The following CDH12 variants were observed in gnomAD, a reference collection of about 807,000 sequenced individuals.
The protein encoded by CDH12 is cadherin 12.
Under a neutral mutation model 74.1 loss-of-function variants are expected in CDH12, and 41 were observed. The ratio of observed to expected loss-of-function variants is 0.55; its 90% CI spans 0.43 to 0.72. The LOEUF (loss-of-function observed/expected upper bound fraction) is 0.72. Ranked by LOEUF, CDH12 falls within the 30% of genes least tolerant of loss-of-function variation. CDH12 has a pLI of 0.00. For missense variants in CDH12, 945 were observed against 977.2 expected, an observed-to-expected ratio of 0.97 and a Z score of 0.44; for synonymous variants, 399 against 355.0, an observed-to-expected ratio of 1.12 and a Z score of -1.39.
chr5:22,796,514 CTTTTTTTTTTT>C (rs70959756), intron 1 of CDH12, among the ~76,000 whole-genome samples: 1 of 59,754 alleles, frequency 1.7e-5, no homozygotes, highest in Non-Finnish European at 2.7e-5. Context: ...GATTTTTTAT[CTTTTTTTTTTT>C]TTTTTTTTTT....
chr5:22,114,259 T>C (rs777585866), intron 4 of CDH12, among the ~76,000 whole-genome samples: 1 of 152,244 alleles, frequency 6.6e-6, no homozygotes, highest in Admixed American at 6.5e-5. Context: ...GGAGTGTGAT[T>C]GGTACTGTGT....
intron 3 of CDH12, among the ~76,000 whole-genome samples, chr5:22,253,364 T>C (rs1753198566): frequency 6.6e-6 from 1 of 151,898 alleles, no homozygotes; most frequent in South Asian, 2.1e-4. Flanking sequence ...GTAAAACTGG[T>C]GCATCATTTA....
chr5:21,892,294 G>C (rs1752933707), intron 6 of CDH12, among the ~76,000 whole-genome samples: 3 of 152,148 alleles, frequency 2.0e-5, no homozygotes, highest in African/African-American at 7.2e-5. Flanking sequence ...AAGGCTCAGA[G>C]TGATGTGGTT....
chr5:21,773,875 G>A (rs1202996115), intron 11 of CDH12, among the ~76,000 whole-genome samples: 1 of 151,990 alleles, frequency 6.6e-6, no homozygotes, highest in Non-Finnish European at 1.5e-5. Flanking sequence ...TTTAAATGTT[G>A]TTAACTTTAT....
chr5:22,120,366 A>ATATT, intron 4 of CDH12, among the ~76,000 whole-genome samples: 1 of 152,310 alleles, frequency 6.6e-6, no homozygotes, highest in East Asian at 1.9e-4. Flanking sequence ...CCCCAAGAAT[A>ATATT]AAGGACAAAC....
chr5:21,837,692 T>C (rs1749617098), intron 8 of CDH12, among the ~76,000 whole-genome samples: 1 of 152,198 alleles, frequency 6.6e-6, no homozygotes, highest in African/African-American at 2.4e-5. Flanking sequence ...GGCTTTTCTC[T>C]TTATAAATGT....
chr5:22,123,840 G>A (rs1478725736), intron 4 of CDH12, among the ~76,000 whole-genome samples: 1 of 152,146 alleles, frequency 6.6e-6, no homozygotes, highest in African/African-American at 2.4e-5. Flanking sequence ...GGAAATGGCA[G>A]CATTAGAATC....
At chr5:22,802,055 C>T (rs1455886083) in intron 1 of CDH12, among the ~76,000 whole-genome samples, 1 of 151,854 alleles carries the variant, frequency 6.6e-6, no homozygotes, top group East Asian at 1.9e-4. Flanking sequence ...TTGTTTCTCC[C>T]AATTTACTGA....
chr5:22,625,506 A>G (rs1273862051), intron 1 of CDH12, among the ~76,000 whole-genome samples: 2 of 152,150 alleles, frequency 1.3e-5, no homozygotes, highest in African/African-American at 4.8e-5. Context: ...TATGGAGCCC[A>G]AAGAATTTGG....
intron 10 of CDH12, among the ~76,000 whole-genome samples, chr5:21,790,342 GT>G (rs539929574): frequency 1.1e-4 from 17 of 151,942 alleles, no homozygotes; most frequent in Non-Finnish European, 2.5e-4. Flanking sequence ...TTAGTTATGT[GT>G]TTCTGTATAT....
chr5:22,788,180 G>A (rs1747734691), intron 1 of CDH12, among the ~76,000 whole-genome samples: 1 of 152,088 alleles, frequency 6.6e-6, no homozygotes, highest in Non-Finnish European at 1.5e-5. Flanking sequence ...TATTATTTGT[G>A]AGTCTCATCT....
rs566649430 is a variant in CDH12, at chr5:21,910,612, C to G, written c.527-55822G>C. Among the ~76,000 whole-genome samples, 7 of 152,052 alleles carry G rather than the reference C, an allele frequency of 4.6e-5. No homozygotes were observed. In the East Asian group the frequency reaches 1.4e-3, roughly 29 times the overall value. Reference sequence around the variant, plus strand: ...CCTGAGGAGCTGATGCTACTGTGACCTACAGCAAAAGAAGTGGGAACATGT... The same window carrying G: ...CCTGAGGAGCTGATGCTACTGTGACGTACAGCAAAAGAAGTGGGAACATGT... On this transcript the variant is annotated intron_variant, in intron 6 of 14. Transcript: ENST00000382254.
At chr5:21,928,094 G>A (rs896123720) in intron 6 of CDH12, among the ~76,000 whole-genome samples, 7 of 151,936 alleles carry the variant, frequency 4.6e-5, no homozygotes, top group African/African-American at 1.7e-4. Flanking sequence ...AAGAATGATG[G>A]TGAAAACATT....
intron 2 of CDH12, among the ~76,000 whole-genome samples, chr5:22,450,935 G>A (rs1286711822): frequency 7.0e-6 from 1 of 143,674 alleles, no homozygotes; most frequent in African/African-American, 2.6e-5. Flanking sequence ...ATCTTTCTCA[G>A]ACTGGAATGC....
At chr5:22,099,461 G>A (rs1038841393) in intron 4 of CDH12, among the ~76,000 whole-genome samples, 9 of 152,146 alleles carry the variant, frequency 5.9e-5, no homozygotes, top group African/African-American at 1.7e-4. Context: ...GCCTGTCCTT[G>A]GAATGCTACA....
At chr5:22,664,435 A>G (rs368602459) in intron 1 of CDH12, among the ~76,000 whole-genome samples, 1 of 152,104 alleles carries the variant, frequency 6.6e-6, no homozygotes, top group Non-Finnish European at 1.5e-5. Flanking sequence ...CTTTTAAACT[A>G]TCAGATCTTG....
chr5:22,096,750 C>T (rs2150244793), intron 4 of CDH12, among the ~76,000 whole-genome samples: 1 of 152,240 alleles, frequency 6.6e-6, no homozygotes, highest in South Asian at 2.1e-4. Flanking sequence ...TATAAAAACG[C>T]AGCCCAGTTC....
At chr5:22,484,297 G>A (rs376553889) in intron 2 of CDH12, among the ~76,000 whole-genome samples, 1 of 152,084 alleles carries the variant, frequency 6.6e-6, no homozygotes, top group Non-Finnish European at 1.5e-5. Context: ...GGGATTTCAC[G>A]GGTAGGTCTT....
intron 3 of CDH12, among the ~76,000 whole-genome samples, chr5:22,333,875 C>G (rs1739451293): frequency 6.6e-6 from 1 of 152,136 alleles, no homozygotes; most frequent in Non-Finnish European, 1.5e-5. Context: ...GAATGAAGCA[C>G]AAAAACCACA....
Sources: allele counts gnomAD v4.1 joint callset (sites outside exome capture counted in the v4.1 genomes callset), GRCh38; gene constraint gnomAD v4.1.1; transcripts MANE v1.5; gene names NCBI Gene and HGNC (gene_info 2026-07-23, HGNC 2026-07-21).